The following ADAMTS8 variants were observed in gnomAD, a reference collection of about 807,000 sequenced individuals.
ADAMTS8 encodes the protein A disintegrin and metalloproteinase with thrombospondin motifs 8.
A neutral mutation model predicts 64.4 loss-of-function variants in ADAMTS8; 50 were observed. The ratio of observed to expected loss-of-function variants is 0.78; its 90% CI spans 0.62 to 0.98. ADAMTS8 has a LOEUF of 0.98. Among genes scored for constraint, ADAMTS8 ranks in the 50% least tolerant of loss-of-function variants. The pLI, the probability that ADAMTS8 is intolerant of heterozygous loss-of-function variation, is 0.00. For synonymous variants in ADAMTS8, 556 were observed against 533.6 expected, an observed-to-expected ratio of 1.04 and a Z score of -0.58; for missense variants, 1,192 against 1,208.2, an observed-to-expected ratio of 0.99 and a Z score of 0.20.
At chr11:130,413,487 G>C (rs147686846) in intron 5 of ADAMTS8, among the ~76,000 whole-genome samples, 1 of 152,188 alleles carries the variant, frequency 6.6e-6, no homozygotes, top group African/African-American at 2.4e-5. Flanking sequence ...CAGCGCTGGC[G>C]GGGACCGGGC....
chr11:130,419,428 G>C lies in ADAMTS8; in HGVS notation c.721-136C>G, dbSNP rs553400517. On this transcript the variant is annotated intron_variant, in intron 1 of 8. Transcript: ENST00000257359. ...TACCAAAGCCTCACAATACCCCCGA[G>C]GTCTCCGTGTTACTCCCTTCATTTT... 8 of 1,249,784 alleles carry C rather than the reference G, an allele frequency of 6.4e-6. No homozygotes were observed. The South Asian group carries it at 1.2e-4, about 18-fold the overall frequency. 77.4% of individuals were successfully genotyped at this position (1,249,784 alleles called of 1,614,324 possible). A position where few individuals can be genotyped will look rare whatever the true frequency, so the allele number is the denominator to read the frequency against.
chr11:130,425,046 G>A (rs1862146110), intron 1 of ADAMTS8, among the ~76,000 whole-genome samples: 1 of 152,150 alleles, frequency 6.6e-6, no homozygotes, highest in Non-Finnish European at 1.5e-5. Context: ...GGGCTGGCTG[G>A]GTGTGCAGGT....
chr11:130,418,163 A>G (rs1384604917), intron 2 of ADAMTS8, among the ~76,000 whole-genome samples: 2 of 152,088 alleles, frequency 1.3e-5, no homozygotes, highest in Non-Finnish European at 2.9e-5. Context: ...CCTGGGTGAC[A>G]GAGCGAGACC....
intron 6 of ADAMTS8, 88 bp from the exon 7 acceptor site, chr11:130,409,028 CTTCT>C (rs1861921288): frequency 1.4e-6 from 2 of 1,470,194 alleles, no homozygotes. Context: ...CAGCACTTTT[CTTCT>C]TTCTTTTGGT....
At position 130,411,528 on chromosome 11, in the gene ADAMTS8, GTACTCCTCCT is replaced by G. The variant is rs1266798108; in HGVS notation, c.1629_1638del (p.Gly544SerfsTer96). The G allele has an allele frequency of 6.2e-7, 1 of 1,614,100 alleles. No homozygotes were observed. The highest frequency in any genetic ancestry group is 1.7e-5 in the Admixed American group (1 of 60,022). On this transcript the variant is annotated frameshift_variant, in exon 6 of 9. Transcript: ENST00000257359. LOFTEE classifies it high-confidence loss of function. This position sits in a 1 kb window ranked among gnomAD's most constrained non-coding sequence, Gnocchi z 4.2. ...TCCTTGCACTCACGGTGTGAAAACT[GTACTCCTCCT>G]CCACAGGTCCGAGAACATTCTCCCC...
Position 130,419,100 on chromosome 11 carries a change from C to T in ADAMTS8, c.913G>A (p.Asp305Asn), listed in dbSNP as rs528234968. 9.5e-5 allele frequency: 154 copies of T among 1,614,010 alleles called. No homozygotes were observed. Among genetic ancestry groups the T allele is most frequent in the Middle Eastern group, 4.9e-4 (3 of 6,084 alleles). Residue 305 changes from aspartate to asparagine, a missense_variant, in exon 2 of 9, where the codon GAC becomes AAC. Physicochemically the swap from Asp to Asn is conservative, Grantham distance 23. This residue lies in a region of ADAMTS8 where 741 missense variants were observed against 710.6 expected (regional missense o/e 1.04). Coordinates refer to ENST00000257359, the MANE Select transcript of ADAMTS8 (RefSeq NM_007037.6). ...GTGTCGTAGTGCTCTGGGTGGCGGT[C>T]GCTGGGCTGGTTGAAACGCCGCTGC... ...NWQRRFNQPSDRHPEHYDTAI... is the reference protein window; with the variant it reads ...NWQRRFNQPSNRHPEHYDTAI...
intron 4 of ADAMTS8, among the ~76,000 whole-genome samples, chr11:130,415,202 A>G (rs1418626595): frequency 1.3e-5 from 2 of 152,246 alleles, no homozygotes; most frequent in Non-Finnish European, 2.9e-5. Context: ...TTATTTTTGC[A>G]TCATACATGT....
At position 130,405,993 on chromosome 11, in the gene ADAMTS8, G is replaced by C. The variant is rs368658938; in HGVS notation, c.2235C>G (p.Asn745Lys). ...CTATGGCAGAGATGGCCAGGTTGCC[G>C]TTGAGCAGGTACTGCCCATCAGCCG... Reference protein sequence around the residue: ...LKTADGQYLLNGNLAISAIEQ... With the variant: ...LKTADGQYLLKGNLAISAIEQ... Residue 745 changes from asparagine (N) to lysine (K), a missense_variant, in exon 9 of 9, where the codon AAC (asparagine) becomes AAG (lysine). Physicochemically the swap from Asn to Lys is moderately conservative, Grantham distance 94. Around this residue, in one of 5 missense-constraint regions of ADAMTS8, gnomAD observed 290 missense variants for 297.8 expected, o/e 0.97. Transcript: ENST00000257359. The C allele has an allele frequency of 6.2e-7, 1 of 1,614,236 alleles. No homozygotes were observed. The highest frequency in any genetic ancestry group is 8.5e-7 in the Non-Finnish European group (1 of 1,180,048).
intron 1 of ADAMTS8, among the ~76,000 whole-genome samples, chr11:130,426,364 T>C (rs1862167142): frequency 6.6e-6 from 1 of 152,242 alleles, no homozygotes; most frequent in African/African-American, 2.4e-5. Flanking sequence ...GCAATGCCTA[T>C]GCCCTTGGGG....
At chr11:130,424,806 C>T (rs1041385881) in intron 1 of ADAMTS8, among the ~76,000 whole-genome samples, 1 of 152,076 alleles carries the variant, frequency 6.6e-6, no homozygotes, top group Non-Finnish European at 1.5e-5. Flanking sequence ...CACAGGGGCC[C>T]GAGGGTGGTC....
chr11:130,423,054 A>C (rs1404876089), intron 1 of ADAMTS8, among the ~76,000 whole-genome samples: 3 of 152,364 alleles, frequency 2.0e-5, no homozygotes, highest in South Asian at 2.1e-4. Flanking sequence ...GCTCAAGGAC[A>C]CTACATTATT....
At chr11:130,423,886 C>T (rs1355308544) in intron 1 of ADAMTS8, among the ~76,000 whole-genome samples, 1 of 152,202 alleles carries the variant, frequency 6.6e-6, no homozygotes, top group Admixed American at 6.5e-5. Flanking sequence ...AGAAAGGCCC[C>T]TCTGTCTGAG....
rs528517359 is a variant in ADAMTS8, at chr11:130,424,419, C to T, written c.720+3148G>A. Among the ~76,000 whole-genome samples the T allele has an allele frequency of 3.3e-5, 5 of 152,320 alleles. 1 individual carries two copies. Among genetic ancestry groups the T allele is most frequent in the African/African-American group, 1.2e-4 (5 of 41,564 alleles). On this transcript the variant is annotated intron_variant, in intron 1 of 8. Coordinates refer to ENST00000257359, the MANE Select transcript of ADAMTS8 (RefSeq NM_007037.6). ...ACGCTCAGAGAGTGGCTAAACCTTC[C>T]AGAAGACTGGCTCATCATGAAGCAG...
chr11:130,419,001 C>T, intron 2 of ADAMTS8, 52 bp downstream of exon 2: 3 of 1,608,268 alleles, frequency 1.9e-6, no homozygotes, highest in Non-Finnish European at 2.5e-6. Flanking sequence ...TCCCTTTGAT[C>T]TGCCCATCCT....
At chr11:130,426,885 C>T (rs1163818011) in intron 1 of ADAMTS8, among the ~76,000 whole-genome samples, 1 of 152,228 alleles carries the variant, frequency 6.6e-6, no homozygotes, top group South Asian at 2.1e-4. Context: ...GGGCTGAGCC[C>T]CCAGGCAGAA....
Position 130,406,123 on chromosome 11 carries a change from C to T in ADAMTS8, c.2105G>A (p.Gly702Asp), listed in dbSNP as rs376225265. The change falls in exon 9 of 9, where the codon GGC becomes GAC. Residue 702 changes from glycine to aspartate, a missense_variant. Around this residue, in one of 5 missense-constraint regions of ADAMTS8, gnomAD observed 290 missense variants for 297.8 expected, o/e 0.97. Transcript: ENST00000257359. ...VSGSLTPTNY[G>D]YNDIVTIPAG... Reference sequence around the variant, plus strand: ...TGGGATGGTGACAATGTCATTGTAGCCATAACTGTGATAGAAACAGAAGGA... The same window carrying T: ...TGGGATGGTGACAATGTCATTGTAGTCATAACTGTGATAGAAACAGAAGGA... 1.9e-4 allele frequency: 308 copies of T among 1,605,120 alleles called. No homozygotes were observed. The highest frequency in any genetic ancestry group is 2.5e-4 in the Non-Finnish European group (297 of 1,177,836).
intron 2 of ADAMTS8, 61 bp from the exon 3 acceptor site, chr11:130,417,136 C>CT: frequency 6.2e-7 from 1 of 1,600,470 alleles, no homozygotes. Context: ...CGCTGCAGGC[C>CT]TGCAGGGCCG....
chr11:130,427,779 C>A lies in ADAMTS8; in HGVS notation c.508G>T (p.Glu170Ter). ...TCCTGCCTCTGACCCTCTCCCGTCTCCACCTCCCACTCGGGTCCTCGCGGG... is the reference window on the plus strand; with the variant it reads ...TCCTGCCTCTGACCCTCTCCCGTCTACACCTCCCACTCGGGTCCTCGCGGG... Reference protein sequence around the residue: ...PLPRGPEWEVETGEGQRQERG... With the variant: ...PLPRGPEWEV The change falls in exon 1 of 9, where the codon GAG becomes TAG. Residue 170 changes from glutamate (E) to a stop codon, truncating the protein, a stop_gained. Transcript: ENST00000257359. LOFTEE classifies it high-confidence loss of function. 1 of 1,590,702 alleles carries A rather than the reference C, an allele frequency of 6.3e-7. No homozygotes were observed.
At chr11:130,417,803 G>GT (rs1463596119) in intron 2 of ADAMTS8, among the ~76,000 whole-genome samples, 2 of 152,150 alleles carry the variant, frequency 1.3e-5, no homozygotes, top group African/African-American at 4.8e-5. Context: ...CGCTTTATTG[G>GT]TTCTTTTTGT....
Sources: gnomAD v4.1 joint callset for allele counts (sites outside exome capture counted in the v4.1 genomes callset) on GRCh38, gnomAD v4.1.1 for gene constraint, gnomAD v4.1.1 regional missense constraint, Gnocchi (gnomAD v3.1) non-coding constraint, MANE v1.5 for transcripts, NCBI Gene and HGNC (gene_info 2026-07-23, HGNC 2026-07-21) for gene names.